The following NAV2 variants were observed in gnomAD, a reference collection of about 807,000 sequenced individuals.
NAV2 encodes neuron navigator 2.
NAV2 carries 54 observed loss-of-function variants against 223.2 expected under a neutral mutation model. The observed-to-expected ratio is 0.24, with a 90% confidence interval of 0.19 to 0.30. The LOEUF (loss-of-function observed/expected upper bound fraction) is 0.30, where lower values mean the gene tolerates loss of function less well. Ranked by LOEUF, NAV2 falls within the 10% of genes least tolerant of loss-of-function variation. The pLI, the probability that NAV2 is intolerant of heterozygous loss-of-function variation, is 1.00. For synonymous variants in NAV2, 1,279 were observed against 1,239.3 expected (o/e 1.03, Z -0.67); for missense variants, 2,806 against 3,147.5 (o/e 0.89, Z 2.60).
intron 1 of NAV2, among the ~76,000 whole-genome samples, chr11:19,585,208 C>T (rs2045854068): frequency 6.6e-6 from 1 of 151,996 alleles, no homozygotes; most frequent in Admixed American, 6.6e-5. Flanking sequence ...CAACCCCTGC[C>T]TTTTTTTCTT....
chr11:20,023,699 G>GGTGGGTGTGTGTGTGTGT (rs1554902315), intron 11 of NAV2, among the ~76,000 whole-genome samples: 1 of 144,572 alleles, frequency 6.9e-6, no homozygotes, highest in Non-Finnish European at 1.5e-5. Flanking sequence ...CAAATTGCTG[G>GGTGGGTGTGTGTGTGTGT]GTGTGTGTGT....
intron 4 of NAV2, among the ~76,000 whole-genome samples, chr11:19,876,262 G>A (rs1015607259): frequency 5.9e-5 from 9 of 152,140 alleles, no homozygotes; most frequent in East Asian, 1.9e-4. Context: ...TCTTGACCTT[G>A]TGATCTGCCT....
At chr11:19,700,329 A>G (rs1007341554) in intron 1 of NAV2, among the ~76,000 whole-genome samples, 1 of 152,220 alleles carries the variant, frequency 6.6e-6, no homozygotes, top group Non-Finnish European at 1.5e-5. Context: ...GTTCGGACCC[A>G]TGCAGTCACA....
intron 1 of NAV2, among the ~76,000 whole-genome samples, chr11:19,769,127 A>C (rs2055490754): frequency 6.6e-6 from 1 of 152,198 alleles, no homozygotes; most frequent in Non-Finnish European, 1.5e-5. Flanking sequence ...AGGATAACTG[A>C]TGTGAGAGTG....
intron 6 of NAV2, among the ~76,000 whole-genome samples, chr11:19,919,236 T>C (rs2044064803): frequency 6.6e-6 from 1 of 151,306 alleles, no homozygotes; most frequent in Non-Finnish European, 1.5e-5. Context: ...AATGTTTAAG[T>C]TGGAATTAAA....
At chr11:19,604,799 T>C (rs1302338588) in intron 1 of NAV2, among the ~76,000 whole-genome samples, 1 of 152,134 alleles carries the variant, frequency 6.6e-6, no homozygotes, top group Middle Eastern at 3.2e-3. Flanking sequence ...TGGGATTGAA[T>C]TATGGGGGCG....
intron 11 of NAV2, among the ~76,000 whole-genome samples, chr11:19,989,320 C>A (rs1172950698): frequency 1.3e-5 from 2 of 152,152 alleles, no homozygotes; most frequent in African/African-American, 4.8e-5. Flanking sequence ...ACTCGTCATG[C>A]CATTGCCAGC....
chr11:19,720,936 T>A (rs78476586), intron 1 of NAV2, among the ~76,000 whole-genome samples: 5,051 of 152,350 alleles, frequency 0.033, 140 homozygotes, highest in Non-Finnish European at 0.055. Flanking sequence ...CTGCTGTACC[T>A]TCTTTGAAGT....
chr11:19,925,687 G>A (rs2044683271), intron 6 of NAV2, among the ~76,000 whole-genome samples: 1 of 151,360 alleles, frequency 6.6e-6, no homozygotes, highest in African/African-American at 2.4e-5. Context: ...GGCGGAGGTT[G>A]CAGTGAGCTG....
At chr11:19,796,545 T>C (rs969472387) in intron 1 of NAV2, among the ~76,000 whole-genome samples, 2 of 152,186 alleles carry the variant, frequency 1.3e-5, no homozygotes, top group Non-Finnish European at 2.9e-5. Context: ...CCTAGTAATC[T>C]TCCTCCCTGA....
At chr11:19,638,070 C>T (rs2047554775) in intron 1 of NAV2, among the ~76,000 whole-genome samples, 1 of 152,150 alleles carries the variant, frequency 6.6e-6, no homozygotes, top group African/African-American at 2.4e-5. Context: ...TTGTAATGGA[C>T]ACAAAATTGT....
At chr11:19,871,493 A>T (rs1291394069) in intron 4 of NAV2, among the ~76,000 whole-genome samples, 16 of 152,132 alleles carry the variant, frequency 1.1e-4, no homozygotes, top group Admixed American at 1.0e-3. Flanking sequence ...CTCAGTATAC[A>T]TCACTGCCAC....
At chr11:19,817,575 T>C (rs1247004696) in intron 1 of NAV2, among the ~76,000 whole-genome samples, 1 of 151,948 alleles carries the variant, frequency 6.6e-6, no homozygotes, top group African/African-American at 2.4e-5. Flanking sequence ...AAATTGAGGA[T>C]GGTCAGTGTT....
chr11:19,594,573 T>C (rs1302087263), intron 1 of NAV2, among the ~76,000 whole-genome samples: 1 of 152,052 alleles, frequency 6.6e-6, no homozygotes, highest in East Asian at 1.9e-4. Flanking sequence ...TGGTAGTGAA[T>C]AGTGCAGGAA....
chr11:19,421,508 T>C (rs1850611438), intron 1 of NAV2, among the ~76,000 whole-genome samples: 1 of 152,214 alleles, frequency 6.6e-6, no homozygotes, highest in Non-Finnish European at 1.5e-5. Context: ...AAGGAAGGAA[T>C]ATAATCAGTG....
chr11:19,703,916 A>G (rs1477179245), intron 1 of NAV2, among the ~76,000 whole-genome samples: 2 of 152,072 alleles, frequency 1.3e-5, no homozygotes, highest in Non-Finnish European at 2.9e-5. Context: ...CTCTAATGTA[A>G]AGCCAAGGAT....
intron 1 of NAV2, among the ~76,000 whole-genome samples, chr11:19,719,049 A>G (rs2050542930): frequency 6.6e-6 from 1 of 152,078 alleles, no homozygotes; most frequent in Non-Finnish European, 1.5e-5. Context: ...GTCCCATATT[A>G]TTTACTTATA....
intron 5 of NAV2, among the ~76,000 whole-genome samples, chr11:19,886,713 G>C (rs1187166599): frequency 6.6e-6 from 1 of 152,180 alleles, no homozygotes; most frequent in African/African-American, 2.4e-5. Flanking sequence ...TGCCCATCCC[G>C]TGAATGATTT....
In NAV2 at chr11:19,713,952, T is replaced by C; in HGVS notation, c.257T>C (p.Phe86Ser). ...AAGAGCGGCTCGGTGGAAAACGGGT[T>C]CGATACCCAGGTGAGAGATGCCGTT... ...LRKSGSVENGFDTQIYTDWAN... is the reference protein window; with the variant it reads ...LRKSGSVENGSDTQIYTDWAN... The change falls in exon 1 of 38, where the codon TTC becomes TCC. Residue 86 changes from phenylalanine (F) to serine (S), a missense_variant. Transcript: ENST00000349880. The surrounding 1 kb of genome is among the most constrained non-coding windows in gnomAD (Gnocchi z 7.2). The C allele has an allele frequency of 6.2e-7, 1 of 1,613,114 alleles. No homozygotes were observed. Among genetic ancestry groups the C allele is most frequent in the Non-Finnish European group, 8.5e-7 (1 of 1,179,880 alleles).
Sources: gnomAD v4.1 joint callset for allele counts (sites outside exome capture counted in the v4.1 genomes callset) on GRCh38, gnomAD v4.1.1 for gene constraint, Gnocchi (gnomAD v3.1) non-coding constraint, MANE v1.5 for transcripts, NCBI Gene and HGNC (gene_info 2026-07-23, HGNC 2026-07-21) for gene names.